The following TBCK variants were observed in gnomAD, a reference collection of about 807,000 sequenced individuals.
TBCK encodes TBC1 domain containing kinase, also known as TBC domain-containing protein kinase-like protein.
Under a neutral mutation model 113.4 loss-of-function variants are expected in TBCK, and 99 were observed. The ratio of observed to expected loss-of-function variants is 0.87; its 90% CI spans 0.74 to 1.03. The LOEUF (loss-of-function observed/expected upper bound fraction) is 1.03, where lower values mean the gene tolerates loss of function less well. Among genes scored for constraint, TBCK ranks in the 50% least tolerant of loss-of-function variants. The pLI is 0.00. For synonymous variants in TBCK, 369 were observed against 370.8 expected (o/e 1.00, Z 0.05); for missense variants, 1,045 against 1,061.3 (o/e 0.98, Z 0.21).
chr4:106,217,114 A>C, intron 19 of TBCK, among the ~76,000 whole-genome samples: 1 of 151,672 alleles, frequency 6.6e-6, no homozygotes, highest in Non-Finnish European at 1.5e-5. Flanking sequence ...CAAAGACAAA[A>C]ACCACATGAT....
At chr4:106,276,870 C>T (rs1764081997) in intron 3 of TBCK, among the ~76,000 whole-genome samples, 1 of 151,290 alleles carries the variant, frequency 6.6e-6, no homozygotes, top group South Asian at 2.1e-4. Context: ...GAGTGAGACT[C>T]CATTATAAAA....
In TBCK at chr4:106,194,803, A is replaced by G. The variant is rs12506062; in HGVS notation, c.1861-49T>C. ...GGGAATGGATAAAAAGGAAATAAAA[A>G]AGATAATTAGAATGATTACCAATAA... On this transcript the variant is annotated intron_variant, in intron 20 of 25. Transcript: ENST00000394708. 263,873 of 1,462,954 alleles carry G rather than the reference A, an allele frequency of 0.18. 24,699 individuals are homozygous for G. The highest frequency in any genetic ancestry group is 0.24 in the South Asian group (19,325 of 78,916). 90.6% of individuals were successfully genotyped at this position (1,462,954 alleles called of 1,614,324 possible). A position where few individuals can be genotyped will look rare whatever the true frequency, so the allele number is the denominator to read the frequency against.
chr4:106,170,712 GT>G (rs1750886047), intron 23 of TBCK, among the ~76,000 whole-genome samples: 1 of 151,966 alleles, frequency 6.6e-6, no homozygotes, highest in African/African-American at 2.4e-5. Context: ...ACATGGCATA[GT>G]TTTACAAATG....
intron 19 of TBCK, among the ~76,000 whole-genome samples, chr4:106,220,616 A>C (rs1757567666): frequency 6.6e-6 from 1 of 152,164 alleles, no homozygotes; most frequent in Non-Finnish European, 1.5e-5. Flanking sequence ...TGGATTTAAA[A>C]AAAAAAAGAT....
At chr4:106,134,196 C>A (rs746419275) in intron 23 of TBCK, among the ~76,000 whole-genome samples, 1 of 151,038 alleles carries the variant, frequency 6.6e-6, no homozygotes. Flanking sequence ...TTTAAAGTGA[C>A]GTATAATGTT....
intron 23 of TBCK, among the ~76,000 whole-genome samples, chr4:106,147,817 G>A (rs1018932344): frequency 1.3e-5 from 2 of 152,210 alleles, no homozygotes; most frequent in Admixed American, 1.3e-4. Context: ...AAACAAGAGA[G>A]ATAACCTTAA....
rs1430689545 is a variant in TBCK at position 106,140,383 on chromosome 4, T to C, written c.2236-24005A>G. 2.1e-5 allele frequency among the ~76,000 whole-genome samples: 3 copies of C among 141,256 alleles called. 1 individual carries two copies. Among genetic ancestry groups the C allele is most frequent in the African/African-American group, 5.0e-5 (2 of 40,042 alleles). The allele number at this position is 141,256 out of a possible 152,430, so 92.7% of individuals were successfully genotyped here. ...TCATATAAATAAAATAAAATAGCTATTCTATTGCAAAACCAGATGATAAAT... is the reference window on the plus strand; with the variant it reads ...TCATATAAATAAAATAAAATAGCTACTCTATTGCAAAACCAGATGATAAAT... On this transcript the variant is annotated intron_variant, in intron 23 of 25. Coordinates refer to ENST00000394708, the MANE Select transcript of TBCK (RefSeq NM_001163435.3).
intron 20 of TBCK, among the ~76,000 whole-genome samples, chr4:106,206,902 G>A (rs950615217): frequency 4.6e-5 from 7 of 152,112 alleles, no homozygotes; most frequent in African/African-American, 1.7e-4. Context: ...GTGACAGTAG[G>A]TTGAAAAGGC....
intron 23 of TBCK, among the ~76,000 whole-genome samples, chr4:106,126,023 CT>C (rs1394677000): frequency 3.3e-5 from 5 of 152,172 alleles, no homozygotes; most frequent in Non-Finnish European, 7.3e-5. Context: ...TTTCTCACCC[CT>C]CACCATCTTG....
intron 23 of TBCK, among the ~76,000 whole-genome samples, chr4:106,130,557 A>G (rs1180759244): frequency 1.3e-5 from 2 of 151,374 alleles, no homozygotes; most frequent in African/African-American, 2.4e-5. Flanking sequence ...CTGTAATACT[A>G]TAAATTAATT....
At chr4:106,235,463 G>A in intron 14 of TBCK, 96 bp from the exon 15 acceptor site, 1 of 681,962 alleles carries the variant, frequency 1.5e-6, no homozygotes, top group Non-Finnish European at 2.2e-6. Flanking sequence ...AAACTTAAGT[G>A]ACTTGCAATA....
chr4:106,122,052 G>C lies in TBCK; in HGVS notation c.2236-5674C>G, dbSNP rs1044571304. ...AGCAGAACTGAAGGAAATAGAGACA[G>C]AAAAAACCCTTCAAAAAATTACTGA... On this transcript the variant is annotated intron_variant, in intron 23 of 25. Transcript: ENST00000394708. 7.6e-4 allele frequency among the ~76,000 whole-genome samples: 116 copies of C among 151,894 alleles called. 1 individual carries two copies. The highest frequency in any genetic ancestry group is 1.3e-3 in the Admixed American group (20 of 15,250).
At chr4:106,264,340 G>A (rs1235861648) in intron 3 of TBCK, among the ~76,000 whole-genome samples, 1 of 151,992 alleles carries the variant, frequency 6.6e-6, no homozygotes, top group East Asian at 1.9e-4. Context: ...AAAAAGACAG[G>A]TAGGTCTCTG....
intron 25 of TBCK, among the ~76,000 whole-genome samples, chr4:106,086,478 T>G (rs9993259): frequency 0.058 from 8,767 of 152,212 alleles, 504 homozygotes; most frequent in East Asian, 0.27. Context: ...ACCAGATGGA[T>G]TCACAGCTGA....
chr4:106,207,688 A>G (rs1397170752), intron 20 of TBCK, among the ~76,000 whole-genome samples: 1 of 152,234 alleles, frequency 6.6e-6, no homozygotes, highest in Non-Finnish European at 1.5e-5. Context: ...ATTGAATTTA[A>G]AAAAGGCCTC....
intron 19 of TBCK, among the ~76,000 whole-genome samples, chr4:106,226,017 A>T (rs1758206947): frequency 6.6e-6 from 1 of 152,006 alleles, no homozygotes; most frequent in Admixed American, 6.5e-5. Flanking sequence ...TACAAAAATT[A>T]GCCAGATGTG....
At chr4:106,195,835 G>C (rs1754169273) in intron 20 of TBCK, among the ~76,000 whole-genome samples, 1 of 151,834 alleles carries the variant, frequency 6.6e-6, no homozygotes, top group Non-Finnish European at 1.5e-5. Context: ...CATATTGTGG[G>C]ATATCTCAGC....
At chr4:106,126,192 G>A (rs923512560) in intron 23 of TBCK, among the ~76,000 whole-genome samples, 1 of 152,098 alleles carries the variant, frequency 6.6e-6, no homozygotes, top group African/African-American at 2.4e-5. Flanking sequence ...CTGTGAAGAA[G>A]GCCTTTCTTT....
intron 1 of TBCK, among the ~76,000 whole-genome samples, chr4:106,314,881 T>C (rs1365412252): frequency 1.3e-5 from 2 of 152,026 alleles, no homozygotes; most frequent in African/African-American, 4.8e-5. Context: ...CGCCTCGACC[T>C]CCCAAAGTGC....
Sources: allele counts gnomAD v4.1 joint callset (sites outside exome capture counted in the v4.1 genomes callset), GRCh38; gene constraint gnomAD v4.1.1; transcripts MANE v1.5; gene names NCBI Gene and HGNC (gene_info 2026-07-23, HGNC 2026-07-21).